The following GRAMD1B variants were observed in gnomAD, a reference collection of about 807,000 sequenced individuals.
GRAMD1B encodes the protein protein Aster-B.
A neutral mutation model predicts 99.7 loss-of-function variants in GRAMD1B; 37 were observed. The ratio of observed to expected loss-of-function variants is 0.37; its 90% CI spans 0.29 to 0.49. The LOEUF (loss-of-function observed/expected upper bound fraction) is 0.49, where lower values mean the gene tolerates loss of function less well. Ranked by LOEUF, GRAMD1B falls within the 20% of genes least tolerant of loss-of-function variation. The probability of loss-of-function intolerance (pLI) is 0.98; values close to 1 mark genes in which losing one functional copy is unlikely to be tolerated. For missense variants in GRAMD1B, 888 were observed against 1,009.2 expected (o/e 0.88, Z 1.63); for synonymous variants, 427 against 387.6 (o/e 1.10, Z -1.19).
intron 2 of GRAMD1B, among the ~76,000 whole-genome samples, chr11:123,508,984 C>T (rs953495576): frequency 3.9e-5 from 6 of 152,122 alleles, no homozygotes; most frequent in African/African-American, 1.2e-4. Flanking sequence ...CGTGCCTGGC[C>T]GTGCCTTCTT....
At chr11:123,581,554 C>T (rs987680551) in intron 3 of GRAMD1B, among the ~76,000 whole-genome samples, 3 of 152,138 alleles carry the variant, frequency 2.0e-5, no homozygotes, top group African/African-American at 7.2e-5. Flanking sequence ...TGGACAGGCT[C>T]GGGGGCTGCT....
At position 123,620,992 on chromosome 11, in the gene GRAMD1B, T is replaced by C. The variant is rs147494098; in HGVS notation, c.2545-1514T>C. The stretch of plus-strand genomic sequence containing the variant: ...GGTCTCTTCCAACTCTACAATTCTA[T>C]TTCAGAATGGGGCCCTTTAACTTGG... On this transcript the variant is annotated intron_variant, in intron 19 of 19. Transcript: ENST00000635736. Among the ~76,000 whole-genome samples, 551 of 152,322 alleles carry C rather than the reference T, an allele frequency of 3.6e-3. 4 individuals are homozygous for C. Among genetic ancestry groups the C allele is most frequent in the African/African-American group, 0.012 (519 of 41,566 alleles).
At chr11:123,375,400 T>TA (rs879389466) in intron 1 of GRAMD1B, among the ~76,000 whole-genome samples, 11 of 146,934 alleles carry the variant, frequency 7.5e-5, no homozygotes, top group African/African-American at 1.5e-4. Flanking sequence ...TTCTATTAAA[T>TA]AAAAAAAAAA....
At chr11:123,448,428 C>T (rs750584653) in intron 1 of GRAMD1B, among the ~76,000 whole-genome samples, 15 of 151,792 alleles carry the variant, frequency 9.9e-5, no homozygotes, top group Admixed American at 6.6e-4. Context: ...CCATATTGGC[C>T]GGGCTGGTCT....
chr11:123,470,106 G>A (rs1950936458), intron 1 of GRAMD1B, among the ~76,000 whole-genome samples: 1 of 152,106 alleles, frequency 6.6e-6, no homozygotes, highest in Non-Finnish European at 1.5e-5. Context: ...GACTTTACTG[G>A]GTTCCACAAA....
chr11:123,560,065 A>ACCC (rs5795378), intron 2 of GRAMD1B, among the ~76,000 whole-genome samples: 32 of 133,552 alleles, frequency 2.4e-4, no homozygotes, highest in East Asian at 4.5e-4. Flanking sequence ...AGAGGAAATA[A>ACCC]CCCCCCCCCC....
At chr11:123,367,361 A>G (rs1946353529) in intron 1 of GRAMD1B, among the ~76,000 whole-genome samples, 1 of 152,246 alleles carries the variant, frequency 6.6e-6, no homozygotes, top group Non-Finnish European at 1.5e-5. Context: ...GTAAGAACAA[A>G]GTGTCATAGG....
intron 2 of GRAMD1B, among the ~76,000 whole-genome samples, chr11:123,488,111 G>A (rs914083169): frequency 1.3e-5 from 2 of 152,096 alleles, no homozygotes; most frequent in African/African-American, 2.4e-5. Context: ...TTGTCCTTAC[G>A]TGGTAAAAAG....
upstream of GRAMD1B, among the ~76,000 whole-genome samples, chr11:123,428,430 C>T (rs1948729701): frequency 6.6e-6 from 1 of 152,190 alleles, no homozygotes; most frequent in Non-Finnish European, 1.5e-5. Flanking sequence ...CAAATCACTC[C>T]TGAGAGGGCC....
At chr11:123,513,697 C>A (rs1334542245) in intron 2 of GRAMD1B, among the ~76,000 whole-genome samples, 1 of 143,668 alleles carries the variant, frequency 7.0e-6, no homozygotes, top group Non-Finnish European at 1.5e-5. Context: ...GTCTCTATTG[C>A]CTAGACTGGA....
chr11:123,570,580 C>T (rs1285705730), intron 2 of GRAMD1B, among the ~76,000 whole-genome samples: 2 of 151,858 alleles, frequency 1.3e-5, no homozygotes, highest in East Asian at 1.9e-4. Flanking sequence ...TGCACCACCA[C>T]GCCCAGCTTA....
chr11:123,440,896 T>G (rs1458841872), intron 1 of GRAMD1B, among the ~76,000 whole-genome samples: 3 of 152,066 alleles, frequency 2.0e-5, no homozygotes. Context: ...GGGGGCAAGT[T>G]TTTCCTGTGC....
rs557772712 is a variant in GRAMD1B, at chr11:123,438,831, C to T, written c.374+7665C>T. 2.4e-4 allele frequency among the ~76,000 whole-genome samples: 36 copies of T among 152,272 alleles called. 1 individual carries two copies. Among genetic ancestry groups the T allele is most frequent in the African/African-American group, 7.2e-4 (30 of 41,550 alleles). On this transcript the variant is annotated intron_variant, in intron 1 of 19. Coordinates refer to ENST00000635736, the MANE Select transcript of GRAMD1B (RefSeq NM_001387025.1). ...TCACTGATAATTGCTTCTAGGGTAA[C>T]GCAGAAGTTAAGGAGTCTGAATGGC...
Position 123,524,367 on chromosome 11 carries a change from G to C in GRAMD1B, c.452+43474G>C, listed in dbSNP as rs965876348. Among the ~76,000 whole-genome samples the C allele has an allele frequency of 7.7e-5, 6 of 78,362 alleles. No individual in the cohort carries two copies. The East Asian group carries it at 3.2e-3, about 41-fold the overall frequency. The allele number at this position is 78,362 out of a possible 152,430, so 51.4% of individuals were successfully genotyped here. A position where few individuals can be genotyped will look rare whatever the true frequency, so the allele number is the denominator to read the frequency against. Reference sequence around the variant, plus strand: ...TATTTTATTTTTTGTTTGAGACAGAGTCTCACTCTGTCTCCCAGGCTAGAT... The same window carrying C: ...TATTTTATTTTTTGTTTGAGACAGACTCTCACTCTGTCTCCCAGGCTAGAT... On this transcript the variant is annotated intron_variant, in intron 2 of 19. Transcript: ENST00000635736.
At chr11:123,527,494 G>C (rs952089204) in intron 2 of GRAMD1B, among the ~76,000 whole-genome samples, 4 of 152,156 alleles carry the variant, frequency 2.6e-5, no homozygotes, top group African/African-American at 9.7e-5. Context: ...CCCCAGCCGG[G>C]AGTTTCTTTT....
intron 1 of GRAMD1B, among the ~76,000 whole-genome samples, chr11:123,372,349 A>G (rs1201251796): frequency 6.6e-6 from 1 of 152,214 alleles, no homozygotes; most frequent in Non-Finnish European, 1.5e-5. Context: ...ACCTAGATTC[A>G]TCTCATTTAA....
intron 2 of GRAMD1B, among the ~76,000 whole-genome samples, chr11:123,550,906 T>C (rs1945543108): frequency 6.6e-6 from 1 of 152,214 alleles, no homozygotes; most frequent in Non-Finnish European, 1.5e-5. Flanking sequence ...TCTTAAACTT[T>C]AGCAATGTGT....
At position 123,430,948 on chromosome 11, in the gene GRAMD1B, G is replaced by GAA; in HGVS notation, c.156_157insAA (p.Glu53LysfsTer62). The GAA allele has an allele frequency of 4.3e-6, 3 of 702,866 alleles. No homozygotes were observed. Among genetic ancestry groups the GAA allele is most frequent in the Non-Finnish European group, 7.8e-6 (3 of 384,894 alleles). The allele number at this position is 702,866 out of a possible 1,614,324, so 43.5% of individuals were successfully genotyped here. On this transcript the variant is annotated frameshift_variant, in exon 1 of 20. Transcript: ENST00000635736. ...AGATGCGCCGCATGAAGAACGTACA[G>GAA]GAGCAGAGCCTGGAGGCCGGGCTGG...
In GRAMD1B at chr11:123,547,707, G is replaced by A. The variant is rs564957661; in HGVS notation, c.453-29660G>A. On this transcript the variant is annotated intron_variant, in intron 2 of 19. Coordinates refer to ENST00000635736, the MANE Select transcript of GRAMD1B (RefSeq NM_001387025.1). Reference sequence around the variant, plus strand: ...CCTAGTTACTTTACAGTTTTGCACAGGGCAGGGTTTTTAGACCCACACTGT... The same window carrying A: ...CCTAGTTACTTTACAGTTTTGCACAAGGCAGGGTTTTTAGACCCACACTGT... Among the ~76,000 whole-genome samples the A allele has an allele frequency of 4.2e-4, 64 of 152,288 alleles. No individual in the cohort carries two copies. In the South Asian group the frequency reaches 0.013, roughly 31 times the overall value.
Sources: gnomAD v4.1 joint callset for allele counts (sites outside exome capture counted in the v4.1 genomes callset) on GRCh38, gnomAD v4.1.1 for gene constraint, MANE v1.5 for transcripts, NCBI Gene and HGNC (gene_info 2026-07-23, HGNC 2026-07-21) for gene names.